Variants in PCDH15 observed in about 807,000 individuals in gnomAD.
The protein encoded by PCDH15 is protocadherin related 15.
In PCDH15, 129 loss-of-function variants were observed where a neutral mutation model predicts 178.5. The observed-to-expected ratio is 0.72, with a 90% CI of 0.63 to 0.84. PCDH15 has a LOEUF of 0.84. Ranked by LOEUF, PCDH15 falls within the 40% of genes least tolerant of loss-of-function variation. The pLI is 0.00. For synonymous variants in PCDH15, 800 were observed against 732.0 expected (o/e 1.09, Z -1.50); for missense variants, 2,230 against 2,099.9 (o/e 1.06, Z -1.21).
chr10:54,399,929 C>T (rs1484366738), intron 3 of PCDH15, among the ~76,000 whole-genome samples: 4 of 152,090 alleles, frequency 2.6e-5, no homozygotes, highest in Non-Finnish European at 5.9e-5. Flanking sequence ...TACAGCAATG[C>T]ACCCTTTCTT....
At chr10:55,040,547 A>G (rs956274386) in intron 2 of PCDH15, among the ~76,000 whole-genome samples, 1 of 152,212 alleles carries the variant, frequency 6.6e-6, no homozygotes, top group Non-Finnish European at 1.5e-5. Context: ...GCAAGAAAGA[A>G]TGTTAAAAGG....
intron 13 of PCDH15, among the ~76,000 whole-genome samples, chr10:54,175,999 G>A (rs1251470418): frequency 6.6e-6 from 1 of 152,088 alleles, no homozygotes; most frequent in Non-Finnish European, 1.5e-5. Flanking sequence ...TTTAAGAGCA[G>A]GAAGGGGTAG....
intron 1 of PCDH15, among the ~76,000 whole-genome samples, chr10:55,302,779 C>T (rs551636262): frequency 6.6e-6 from 1 of 152,144 alleles, no homozygotes; most frequent in South Asian, 2.1e-4. Context: ...AATTAAACAT[C>T]AAAAGTCCAA....
intron 1 of PCDH15, among the ~76,000 whole-genome samples, chr10:55,170,026 A>G (rs1839290337): frequency 6.6e-6 from 1 of 152,168 alleles, no homozygotes; most frequent in Middle Eastern, 3.2e-3. Context: ...GAGGAAGGAC[A>G]TTAAGTAGGC....
intron 2 of PCDH15, among the ~76,000 whole-genome samples, chr10:55,119,108 G>T (rs1295538907): frequency 1.3e-5 from 2 of 152,072 alleles, no homozygotes; most frequent in Non-Finnish European, 2.9e-5. Context: ...GGTAGAAATT[G>T]CATGTCCTTT....
At chr10:53,929,396 C>T (rs538433546) in intron 25 of PCDH15, among the ~76,000 whole-genome samples, 46 of 152,074 alleles carry the variant, frequency 3.0e-4, no homozygotes, top group African/African-American at 9.2e-4. Context: ...ATGATATTAT[C>T]GTGTTAATTT....
Position 54,221,870 on chromosome 10 carries a change from T to G in PCDH15, c.986-7822A>C, listed in dbSNP as rs149729574. Among the ~76,000 whole-genome samples, 445 of 152,362 alleles carry G rather than the reference T, an allele frequency of 2.9e-3. 6 individuals carry two copies. Among genetic ancestry groups the G allele is most frequent in the Non-Finnish European group, 3.5e-3 (238 of 68,038 alleles). Reference sequence around the variant, plus strand: ...CACTGGCCTCGGCCTCCCAATGTGCTGGGATTACAGGCATGAGCCACCCTG... The same window carrying G: ...CACTGGCCTCGGCCTCCCAATGTGCGGGGATTACAGGCATGAGCCACCCTG... On this transcript the variant is annotated intron_variant, in intron 9 of 37. Coordinates refer to ENST00000644397, the MANE Select transcript of PCDH15 (RefSeq NM_001384140.1).
At chr10:55,498,778 T>G (rs572013890) in intron 2 of PCDH15, among the ~76,000 whole-genome samples, 14 of 151,994 alleles carry the variant, frequency 9.2e-5, no homozygotes, top group Admixed American at 2.0e-4. Context: ...TCCCTTGCTA[T>G]GCATGCTACA....
intron 21 of PCDH15, among the ~76,000 whole-genome samples, chr10:53,984,148 C>CTTTTTTTTTTTT (rs66540462): frequency 1.3e-3 from 82 of 63,518 alleles, no homozygotes; most frequent in Non-Finnish European, 2.0e-3. Context: ...TTTTTCTTTT[C>CTTTTTTTTTTTT]TTTTTTTTTT....
chr10:54,633,052 T>C (rs2093745690), intron 2 of PCDH15, among the ~76,000 whole-genome samples: 1 of 152,112 alleles, frequency 6.6e-6, no homozygotes, highest in African/African-American at 2.4e-5. Context: ...TTTAGCAGAT[T>C]AAAGCTGAAG....
chr10:55,602,613 C>T (rs1843113887), intron 2 of PCDH15, among the ~76,000 whole-genome samples: 1 of 152,110 alleles, frequency 6.6e-6, no homozygotes, highest in Non-Finnish European at 1.5e-5. Flanking sequence ...GGGAGGCACC[C>T]CCCAGCAGGG....
intron 1 of PCDH15, among the ~76,000 whole-genome samples, chr10:54,778,530 A>G (rs1949946616): frequency 6.6e-6 from 1 of 152,146 alleles, no homozygotes; most frequent in Non-Finnish European, 1.5e-5. Flanking sequence ...AAAATTTTAT[A>G]AAGTCAGGTT....
chr10:55,162,696 A>C (rs989924130), intron 2 of PCDH15, among the ~76,000 whole-genome samples: 1 of 151,934 alleles, frequency 6.6e-6, no homozygotes, highest in Admixed American at 6.6e-5. Context: ...TATTGCTAAG[A>C]CTCCTGTCTT....
rs1344317555 is a variant in PCDH15 at position 53,831,627 on chromosome 10, T to C, written c.3984-94A>G. 6 of 904,652 alleles carry C rather than the reference T, an allele frequency of 6.6e-6. 1 individual carries two copies. In the Admixed American group the frequency reaches 9.4e-5, roughly 14 times the overall value. The allele number at this position is 904,652 out of a possible 1,614,324, so 56.0% of individuals were successfully genotyped here. A position where few individuals can be genotyped will look rare whatever the true frequency, so the allele number is the denominator to read the frequency against. On this transcript the variant is annotated intron_variant, in intron 29 of 37. Transcript: ENST00000644397. ...TTTTGTAAGATCTTTCAATATTTTC[T>C]CTAATTGAAACACAAGCTGAGTCAG...
chr10:54,405,212 T>C (rs73251651), intron 3 of PCDH15, among the ~76,000 whole-genome samples: 2,985 of 152,208 alleles, frequency 0.02, 103 homozygotes, highest in African/African-American at 0.066. Flanking sequence ...TAAATGTTCA[T>C]TGTGTCACTA....
At chr10:54,900,495 G>A (rs1954621125) in intron 2 of PCDH15, among the ~76,000 whole-genome samples, 1 of 152,096 alleles carries the variant, frequency 6.6e-6, no homozygotes, top group South Asian at 2.1e-4. Flanking sequence ...AATGATAAAA[G>A]TTAAACTTGT....
intron 2 of PCDH15, among the ~76,000 whole-genome samples, chr10:55,120,380 A>G (rs1837735456): frequency 6.6e-6 from 1 of 152,094 alleles, no homozygotes; most frequent in African/African-American, 2.4e-5. Flanking sequence ...GCAGTTGCAT[A>G]TTTCAGTTTG....
At chr10:53,873,049 C>A (rs947844835) in intron 26 of PCDH15, among the ~76,000 whole-genome samples, 5 of 152,152 alleles carry the variant, frequency 3.3e-5, no homozygotes, top group Non-Finnish European at 7.3e-5. Context: ...CTATAAAACA[C>A]GTTATGTCTC....
At chr10:55,078,562 C>T (rs746408806) in intron 2 of PCDH15, among the ~76,000 whole-genome samples, 3 of 151,866 alleles carry the variant, frequency 2.0e-5, no homozygotes, top group Non-Finnish European at 4.4e-5. Flanking sequence ...TACCTGTCTT[C>T]AAGTTCTGTG....
Sources: allele counts gnomAD v4.1 joint callset (sites outside exome capture counted in the v4.1 genomes callset), GRCh38; gene constraint gnomAD v4.1.1; transcripts MANE v1.5; gene names NCBI Gene and HGNC (gene_info 2026-07-23, HGNC 2026-07-21).